Variants in NECAP2 observed in about 807,000 individuals in gnomAD.
NECAP2 encodes the protein NECAP endocytosis associated 2.
A neutral mutation model predicts 37.8 loss-of-function variants in NECAP2; 38 were observed. The ratio of observed to expected loss-of-function variants is 1.01; its 90% CI spans 0.78 to 1.32. NECAP2 has a LOEUF of 1.32. NECAP2 is among the 40% of genes most tolerant of loss of function. The pLI is 0.00. For synonymous variants in NECAP2, 121 were observed against 127.7 expected (o/e 0.95, Z 0.35); for missense variants, 316 against 334.5 (o/e 0.94, Z 0.43).
chr1:16,441,787 A>G (rs1411102263), intron 1 of NECAP2, among the ~76,000 whole-genome samples: 1 of 152,100 alleles, frequency 6.6e-6, no homozygotes, highest in African/African-American at 2.4e-5. Flanking sequence ...GTTACTTTCC[A>G]GTTGTGTTAC....
At position 16,456,388 on chromosome 1, in the gene NECAP2, A is replaced by G. The variant is rs112955967; in HGVS notation, c.743+495A>G. Among the ~76,000 whole-genome samples the G allele has an allele frequency of 1.0e-3, 158 of 152,288 alleles. 2 individuals are homozygous for G. The highest frequency in any genetic ancestry group is 3.7e-3 in the African/African-American group (153 of 41,556). On this transcript the variant is annotated intron_variant, in intron 7 of 7. Transcript: ENST00000337132. ...CCAGCGTGCCTGCTTTGGGTGGCAC[A>G]CGTCTTTCCGTGGAGGTTTTGCTGC...
At chr1:16,442,896 C>T (rs1010459709) in intron 1 of NECAP2, among the ~76,000 whole-genome samples, 4 of 152,218 alleles carry the variant, frequency 2.6e-5, no homozygotes, top group African/African-American at 9.6e-5. Context: ...CACTTCAGCC[C>T]GGGTGACAGA....
At chr1:16,450,616 T>A (rs1243022911) in intron 5 of NECAP2, 1 of 153,516 alleles carries the variant, frequency 6.5e-6, no homozygotes, top group African/African-American at 2.4e-5. Flanking sequence ...TAAAAAAGTG[T>A]ACAAATCATA....
chr1:16,454,958 T>C (rs1570273001), intron 6 of NECAP2, among the ~76,000 whole-genome samples: 1 of 152,212 alleles, frequency 6.6e-6, no homozygotes, highest in East Asian at 1.9e-4. Context: ...GGTAAGAGAA[T>C]GGAAACTGAA....
Position 16,443,534 on chromosome 1 carries a change from C to T in NECAP2, c.93-98C>T, listed in dbSNP as rs1003554827. The T allele has an allele frequency of 1.2e-4, 109 of 907,626 alleles. 1 individual carries two copies. The highest frequency in any genetic ancestry group is 6.4e-4 in the Middle Eastern group (3 of 4,676). 56.2% of individuals were successfully genotyped at this position (907,626 alleles called of 1,614,324 possible). A position where few individuals can be genotyped will look rare whatever the true frequency, so the allele number is the denominator to read the frequency against. On this transcript the variant is annotated intron_variant, in intron 1 of 7. Coordinates refer to ENST00000337132, the MANE Select transcript of NECAP2 (RefSeq NM_018090.5). The stretch of plus-strand genomic sequence containing the variant: ...CTGACTCTTTACAGAAAATGTTTGC[C>T]AACTCTTGGGCTAGAATAAGCAGCC...
chr1:16,452,122 T>A, intron 6 of NECAP2, 107 bp downstream of exon 6: 1 of 1,146,638 alleles, frequency 8.7e-7, no homozygotes, highest in Non-Finnish European at 1.2e-6. Flanking sequence ...ATTGGTCATG[T>A]AGTACCTGTC....
At chr1:16,454,750 G>T (rs1037930684) in intron 6 of NECAP2, among the ~76,000 whole-genome samples, 2 of 152,214 alleles carry the variant, frequency 1.3e-5, no homozygotes, top group African/African-American at 2.4e-5. Context: ...TAAGTTTCTT[G>T]TGAGGATCAA....
chr1:16,456,851 A>G lies in NECAP2; in HGVS notation c.743+958A>G, dbSNP rs565164827. On this transcript the variant is annotated intron_variant, in intron 7 of 7. Transcript: ENST00000337132. Reference sequence around the variant, plus strand: ...CATGTTGCTGGCTCTACAGGTGCACATCACCATGCCAGCTATTTTTTGTAT... The same window carrying G: ...CATGTTGCTGGCTCTACAGGTGCACGTCACCATGCCAGCTATTTTTTGTAT... Among the ~76,000 whole-genome samples the G allele has an allele frequency of 3.9e-5, 6 of 152,220 alleles. No homozygotes were observed. In the South Asian group the frequency reaches 1.0e-3, roughly 26 times the overall value.
chr1:16,453,728 C>T (rs1486281195), intron 6 of NECAP2, among the ~76,000 whole-genome samples: 1 of 152,106 alleles, frequency 6.6e-6, no homozygotes. Flanking sequence ...ACCTCGTGAT[C>T]TGCCCGCCTC....
Position 16,458,993 on chromosome 1 carries a change from A to G in NECAP2, c.*103A>G, listed in dbSNP as rs1557694874. The G allele has an allele frequency of 6.3e-6, 10 of 1,598,030 alleles. No individual in the cohort carries two copies. The highest frequency in any genetic ancestry group is 1.1e-5 in the South Asian group (1 of 89,338). On this transcript the variant is annotated 3_prime_UTR_variant, in exon 8 of 8. Transcript: ENST00000337132. ...TCCTCAGCTGGCCTGTGTTTGGGGC[A>G]TGAATCTCTCCTCTCCTCCTTGTCT... is the stretch of plus-strand genomic sequence containing the variant.
chr1:16,448,222 A>C (rs2100953742), intron 4 of NECAP2, 81 bp downstream of exon 4: 2 of 1,361,750 alleles, frequency 1.5e-6, no homozygotes, highest in South Asian at 2.3e-5. Context: ...AGGATACCCA[A>C]GTGTTTGTGT....
intron 7 of NECAP2, 65 bp downstream of exon 7, chr1:16,455,958 G>C (rs2086911756): frequency 8.6e-7 from 1 of 1,159,832 alleles, no homozygotes; most frequent in Non-Finnish European, 1.3e-6. Flanking sequence ...ACCTGGTATT[G>C]TTCCACATGC....
intron 6 of NECAP2, among the ~76,000 whole-genome samples, chr1:16,454,626 G>T (rs1040731098): frequency 5.3e-5 from 8 of 152,174 alleles, no homozygotes; most frequent in African/African-American, 1.7e-4. Context: ...CAAAGTGCTG[G>T]GATTACAGGC....
chr1:16,452,203 T>G (rs370368437), intron 6 of NECAP2, among the ~76,000 whole-genome samples, 188 bp downstream of exon 6: 220 of 152,322 alleles, frequency 1.4e-3, no homozygotes, highest in African/African-American at 4.7e-3. Flanking sequence ...CTACTTGGCC[T>G]TTAGGGCGTC....
At chr1:16,447,553 T>C (rs1196296631) in intron 2 of NECAP2, among the ~76,000 whole-genome samples, 2 of 152,174 alleles carry the variant, frequency 1.3e-5, no homozygotes, top group African/African-American at 2.4e-5. Context: ...ATGGATGGGC[T>C]AGCAGCTCCA....
chr1:16,445,063 A>G (rs140544776), intron 2 of NECAP2, among the ~76,000 whole-genome samples: 7,793 of 152,190 alleles, frequency 0.051, 298 homozygotes, highest in Non-Finnish European at 0.078. Context: ...TGACCTCGTG[A>G]TCCGCCCACC....
At chr1:16,440,909 C>G (rs1200614968) in intron 1 of NECAP2, 56 bp downstream of exon 1, 24 of 1,470,470 alleles carry the variant, frequency 1.6e-5, no homozygotes, top group Non-Finnish European at 2.1e-5. Context: ...CTCCGCCACC[C>G]GGACACACCC....
chr1:16,452,999 C>T (rs988428502), intron 6 of NECAP2, among the ~76,000 whole-genome samples: 45 of 152,180 alleles, frequency 3.0e-4, no homozygotes, highest in Admixed American at 1.8e-3. Context: ...CAGAGAGCCC[C>T]GGCCCGGTAC....
At chr1:16,447,848 T>C in intron 2 of NECAP2, 22 bp from the exon 3 acceptor site, 1 of 1,605,938 alleles carries the variant, frequency 6.2e-7, no homozygotes. Context: ...GGCTCAGCGC[T>C]CAGCCTAACC....
Sources: allele counts gnomAD v4.1 joint callset (sites outside exome capture counted in the v4.1 genomes callset), GRCh38; gene constraint gnomAD v4.1.1; transcripts MANE v1.5; gene names NCBI Gene and HGNC (gene_info 2026-07-23, HGNC 2026-07-21).